CMTM8: variants seen among roughly 807,000 people sequenced by gnomAD.
CMTM8 encodes the protein CKLF-like MARVEL transmembrane domain-containing protein 8.
In CMTM8, 12 loss-of-function variants were observed where a neutral mutation model predicts 18.6. The observed-to-expected ratio is 0.65, with a 90% CI of 0.41 to 1.05. CMTM8 has a LOEUF of 1.05. Among genes scored for constraint, CMTM8 ranks in the 50% least tolerant of loss-of-function variants. The pLI, the probability that CMTM8 is intolerant of heterozygous loss-of-function variation, is 0.00. For missense variants in CMTM8, 217 were observed against 227.2 expected (o/e 0.95, Z 0.29); for synonymous variants, 87 against 90.6 (o/e 0.96, Z 0.23).
chr3:32,268,610 G>A (rs1403933852), intron 1 of CMTM8, among the ~76,000 whole-genome samples: 1 of 151,420 alleles, frequency 6.6e-6, no homozygotes, highest in Non-Finnish European at 1.5e-5. Context: ...AAAATACAGA[G>A]ACCTGCTTAT....
intron 1 of CMTM8, among the ~76,000 whole-genome samples, chr3:32,247,325 T>C (rs1329012176): frequency 3.9e-5 from 6 of 152,092 alleles, no homozygotes; most frequent in South Asian, 2.1e-4. Flanking sequence ...GAATTTTTTT[T>C]CCCCTGAGAT....
intron 1 of CMTM8, among the ~76,000 whole-genome samples, chr3:32,336,999 C>T (rs1001989088): frequency 1.3e-5 from 2 of 152,042 alleles, no homozygotes; most frequent in African/African-American, 2.4e-5. Flanking sequence ...AGTTTTGAGG[C>T]GGTGCAGGGC....
Position 32,355,572 on chromosome 3 carries a change from C to G in CMTM8, c.148-1801C>G, listed in dbSNP as rs143599401. Among the ~76,000 whole-genome samples, 196 of 152,266 alleles carry G rather than the reference C, an allele frequency of 1.3e-3. 1 individual carries two copies. Among genetic ancestry groups the G allele is most frequent in the African/African-American group, 4.5e-3 (188 of 41,548 alleles). On this transcript the variant is annotated intron_variant, in intron 1 of 3. Transcript: ENST00000307526. ...CACGCTCTCTAAATTTGTCTCCACA[C>G]CACTGCTCCCCCTTTCCCCTCCACA...
chr3:32,328,335 A>C (rs1696201940), intron 1 of CMTM8, among the ~76,000 whole-genome samples: 1 of 137,738 alleles, frequency 7.3e-6, no homozygotes, highest in African/African-American at 2.8e-5. Context: ...ACACCACTGC[A>C]CTCCAGCCTG....
At chr3:32,335,928 C>T (rs1047712561) in intron 1 of CMTM8, among the ~76,000 whole-genome samples, 2 of 152,100 alleles carry the variant, frequency 1.3e-5, no homozygotes, top group Admixed American at 6.5e-5. Flanking sequence ...GTTAAACATC[C>T]GGAGGGCAAG....
At chr3:32,345,442 C>T (rs1179566387) in intron 1 of CMTM8, among the ~76,000 whole-genome samples, 3 of 151,912 alleles carry the variant, frequency 2.0e-5, no homozygotes, top group Admixed American at 2.0e-4. Context: ...CCTTCTATAG[C>T]ACAAGGCAGC....
intron 1 of CMTM8, among the ~76,000 whole-genome samples, chr3:32,299,424 A>C (rs1695569553): frequency 6.6e-6 from 1 of 152,202 alleles, no homozygotes; most frequent in Non-Finnish European, 1.5e-5. Context: ...CTTTTATAGG[A>C]GTCATTGATT....
At chr3:32,265,779 C>G (rs1216441174) in intron 1 of CMTM8, among the ~76,000 whole-genome samples, 1 of 131,660 alleles carries the variant, frequency 7.6e-6, no homozygotes, top group African/African-American at 2.7e-5. Context: ...GATATCACCA[C>G]CGATCCCACA....
chr3:32,366,797 T>C (rs1697047226), intron 2 of CMTM8, among the ~76,000 whole-genome samples: 1 of 152,208 alleles, frequency 6.6e-6, no homozygotes, highest in African/African-American at 2.4e-5. Flanking sequence ...CCGACATTCC[T>C]AATGAGTCAT....
Position 32,271,078 on chromosome 3 carries a change from G to A in CMTM8, c.147+31959G>A, listed in dbSNP as rs560976185. Among the ~76,000 whole-genome samples, 3 of 152,140 alleles carry A rather than the reference G, an allele frequency of 2.0e-5. No homozygotes were observed. In the South Asian group the frequency reaches 6.2e-4, roughly 32 times the overall value. ...AATAGAACATTACCATATTTCAGAG[G>A]CCCCTTGTAGCCTCTGCCCTCTTCT... On this transcript the variant is annotated intron_variant, in intron 1 of 3. Transcript: ENST00000307526.
intron 1 of CMTM8, among the ~76,000 whole-genome samples, chr3:32,338,168 G>A (rs1696424613): frequency 6.6e-6 from 1 of 151,988 alleles, no homozygotes; most frequent in African/African-American, 2.4e-5. Flanking sequence ...ATTTTTAGCA[G>A]AGACGGGGTT....
chr3:32,369,811 G>T (rs1695613647), intron 3 of CMTM8, 73 bp from the exon 4 acceptor site: 1 of 909,592 alleles, frequency 1.1e-6, no homozygotes, highest in South Asian at 1.6e-5. Context: ...TGATTCAATG[G>T]AGGTGAAATG....
intron 1 of CMTM8, among the ~76,000 whole-genome samples, chr3:32,258,325 G>A (rs996825119): frequency 2.0e-5 from 3 of 152,114 alleles, no homozygotes; most frequent in African/African-American, 4.8e-5. Context: ...TTTAATTTGG[G>A]AGTGGGAGAC....
chr3:32,360,533 A>G (rs1696902446), intron 2 of CMTM8, among the ~76,000 whole-genome samples: 1 of 152,240 alleles, frequency 6.6e-6, no homozygotes, highest in Non-Finnish European at 1.5e-5. Context: ...TCTGTTAACA[A>G]CTAAAGGCTC....
At chr3:32,316,751 A>G (rs956249680) in intron 1 of CMTM8, among the ~76,000 whole-genome samples, 1 of 152,164 alleles carries the variant, frequency 6.6e-6, no homozygotes, top group Non-Finnish European at 1.5e-5. Flanking sequence ...GTGAGATGGG[A>G]AGGTGAGTTG....
chr3:32,278,351 A>G (rs1174160633), intron 1 of CMTM8, among the ~76,000 whole-genome samples: 1 of 152,190 alleles, frequency 6.6e-6, no homozygotes, highest in Non-Finnish European at 1.5e-5. Context: ...TGGTATGGAC[A>G]AACTATATTC....
At chr3:32,368,456 ATTTTTTTTTTTT>A (rs10594471) in intron 3 of CMTM8, among the ~76,000 whole-genome samples, 1 of 128,136 alleles carries the variant, frequency 7.8e-6, no homozygotes, top group Non-Finnish European at 1.6e-5. Flanking sequence ...AGAAACTTCT[ATTTTTTTTTTTT>A]TTTTTTTTTA....
intron 1 of CMTM8, among the ~76,000 whole-genome samples, chr3:32,254,189 C>T (rs184943100): frequency 4.9e-4 from 75 of 152,300 alleles, no homozygotes; most frequent in African/African-American, 1.4e-3. Flanking sequence ...CCACTGCACC[C>T]GGCCTTGTCC....
chr3:32,256,739 T>G (rs1238191078), intron 1 of CMTM8, among the ~76,000 whole-genome samples: 1 of 152,202 alleles, frequency 6.6e-6, no homozygotes, highest in East Asian at 1.9e-4. Flanking sequence ...GCCCTCACTC[T>G]AATCTGGGAG....
Sources: allele counts gnomAD v4.1 joint callset (sites outside exome capture counted in the v4.1 genomes callset), GRCh38; gene constraint gnomAD v4.1.1; transcripts MANE v1.5; gene names NCBI Gene and HGNC (gene_info 2026-07-23, HGNC 2026-07-21).